The following ROBO1 variants were observed in gnomAD, a reference collection of about 807,000 sequenced individuals.
ROBO1 encodes the protein roundabout homolog 1.
ROBO1 carries 149 observed loss-of-function variants against 195.9 expected under a neutral mutation model. The observed-to-expected ratio is 0.76, with a 90% CI of 0.67 to 0.87. The LOEUF (loss-of-function observed/expected upper bound fraction) is 0.87, where lower values mean the gene tolerates loss of function less well. Among genes scored for constraint, ROBO1 ranks in the 40% least tolerant of loss-of-function variants. The pLI is 0.00. For missense variants in ROBO1, 1,933 were observed against 2,068.3 expected, an observed-to-expected ratio of 0.93 and a Z score of 1.27; for synonymous variants, 816 against 733.2, an observed-to-expected ratio of 1.11 and a Z score of -1.82.
intron 2 of ROBO1, among the ~76,000 whole-genome samples, chr3:79,402,199 G>A (rs570222124): frequency 6.6e-6 from 1 of 151,690 alleles, no homozygotes; most frequent in Non-Finnish European, 1.5e-5. Flanking sequence ...TTTGTGACTC[G>A]ATTTGAATTA....
chr3:79,425,695 G>C (rs2038417726), intron 2 of ROBO1, among the ~76,000 whole-genome samples: 1 of 151,020 alleles, frequency 6.6e-6, no homozygotes, highest in South Asian at 2.1e-4. Flanking sequence ...GAGCAGAATG[G>C]AACACACACA....
intron 3 of ROBO1, among the ~76,000 whole-genome samples, chr3:79,043,555 T>C (rs749644186): frequency 1.3e-5 from 2 of 152,054 alleles, no homozygotes; most frequent in Non-Finnish European, 2.9e-5. Context: ...TAGATTTTTT[T>C]TTAAAAAAAC....
chr3:79,598,712 T>C (rs1419427606), intron 1 of ROBO1, among the ~76,000 whole-genome samples: 1 of 151,852 alleles, frequency 6.6e-6, no homozygotes, highest in Non-Finnish European at 1.5e-5. Flanking sequence ...GCCCCCTCCA[T>C]CACCTGAGAT....
At chr3:78,876,111 T>A (rs886225139) in intron 4 of ROBO1, among the ~76,000 whole-genome samples, 1 of 152,076 alleles carries the variant, frequency 6.6e-6, no homozygotes, top group African/African-American at 2.4e-5. Context: ...AGTTATGTAG[T>A]CAAGAAAAAA....
chr3:79,425,261 C>T (rs752875436), intron 2 of ROBO1, among the ~76,000 whole-genome samples: 2 of 152,192 alleles, frequency 1.3e-5, no homozygotes, highest in Middle Eastern at 3.4e-3. Context: ...AGAAACGGAC[C>T]ACGCTTCCTT....
chr3:79,077,607 T>G (rs1220967407), intron 3 of ROBO1, among the ~76,000 whole-genome samples: 1 of 151,906 alleles, frequency 6.6e-6, no homozygotes, highest in Non-Finnish European at 1.5e-5. Context: ...ATTATTATAT[T>G]GTCAGGCAAG....
intron 8 of ROBO1, among the ~76,000 whole-genome samples, chr3:78,694,777 A>C (rs1203375265): frequency 1.3e-5 from 2 of 152,166 alleles, no homozygotes; most frequent in African/African-American, 4.8e-5. Flanking sequence ...ACAAGCTGTA[A>C]CAACAGAATT....
intron 2 of ROBO1, among the ~76,000 whole-genome samples, chr3:79,216,643 C>T (rs1326308728): frequency 6.6e-6 from 1 of 151,964 alleles, no homozygotes; most frequent in African/African-American, 2.4e-5. Flanking sequence ...TGGAATTTTG[C>T]ATTTATTGTA....
intron 2 of ROBO1, among the ~76,000 whole-genome samples, chr3:79,578,260 A>G (rs1402426270): frequency 6.6e-6 from 1 of 152,208 alleles, no homozygotes; most frequent in Non-Finnish European, 1.5e-5. Flanking sequence ...TAGTCTTACA[A>G]TAAAAGTATT....
Position 79,287,030 on chromosome 3 carries a change from G to A in ROBO1, c.89-161491C>T, listed in dbSNP as rs1339146788. On this transcript the variant is annotated intron_variant, in intron 2 of 30. Transcript: ENST00000464233. ...TATCATTGTACATATATGTCCTTTT[G>A]TGTGTCCATTTTGGGAAGTTTTCCA... Among the ~76,000 whole-genome samples the A allele has an allele frequency of 4.6e-5, 7 of 151,996 alleles. No homozygotes were observed. The East Asian group carries it at 1.3e-3, about 29-fold the overall frequency.
intron 2 of ROBO1, among the ~76,000 whole-genome samples, chr3:79,427,913 C>T (rs114142485): frequency 0.011 from 1,633 of 151,710 alleles, 32 homozygotes; most frequent in African/African-American, 0.038. Flanking sequence ...CCCATGATCA[C>T]GGGCAACCAA....
At chr3:79,573,527 A>C (rs2107756667) in intron 2 of ROBO1, among the ~76,000 whole-genome samples, 1 of 152,308 alleles carries the variant, frequency 6.6e-6, no homozygotes, top group East Asian at 1.9e-4. Flanking sequence ...ATTTATCCTC[A>C]ATTATCAATG....
chr3:79,124,846 G>T (rs1337861236), intron 3 of ROBO1, among the ~76,000 whole-genome samples: 1 of 151,986 alleles, frequency 6.6e-6, no homozygotes, highest in Non-Finnish European at 1.5e-5. Context: ...TATTTCCAGG[G>T]TGATCATTCT....
intron 3 of ROBO1, among the ~76,000 whole-genome samples, chr3:79,116,792 A>C (rs1232856571): frequency 6.6e-6 from 1 of 152,092 alleles, no homozygotes; most frequent in Non-Finnish European, 1.5e-5. Context: ...TGCTGGGATT[A>C]GAGGCATGAG....
At chr3:78,613,328 T>G (rs1428045901) in intron 28 of ROBO1, among the ~76,000 whole-genome samples, 1 of 152,128 alleles carries the variant, frequency 6.6e-6, no homozygotes, top group Non-Finnish European at 1.5e-5. Context: ...ATAATAAAAT[T>G]TGATAAAACA....
intron 2 of ROBO1, among the ~76,000 whole-genome samples, chr3:79,561,003 A>T (rs1048501513): frequency 2.0e-5 from 3 of 152,228 alleles, no homozygotes; most frequent in African/African-American, 7.2e-5. Context: ...GACTAATAGC[A>T]GTTGTTTTGT....
At chr3:78,912,804 A>G (rs887778076) in intron 4 of ROBO1, among the ~76,000 whole-genome samples, 2 of 152,180 alleles carry the variant, frequency 1.3e-5, no homozygotes, top group African/African-American at 4.8e-5. Context: ...GATCACATAC[A>G]TAATCTGTGA....
At chr3:79,525,096 C>T (rs1389040566) in intron 2 of ROBO1, among the ~76,000 whole-genome samples, 1 of 151,594 alleles carries the variant, frequency 6.6e-6, no homozygotes, top group African/African-American at 2.4e-5. Context: ...TTCTCCCTTC[C>T]ATTCCAATTT....
At chr3:79,598,093 G>A (rs776268307) in intron 1 of ROBO1, among the ~76,000 whole-genome samples, 8 of 152,054 alleles carry the variant, frequency 5.3e-5, no homozygotes, top group Admixed American at 2.0e-4. Context: ...TCAGGGAATA[G>A]TGATAAACCT....
Sources: allele counts gnomAD v4.1 joint callset (sites outside exome capture counted in the v4.1 genomes callset), GRCh38; gene constraint gnomAD v4.1.1; transcripts MANE v1.5; gene names NCBI Gene and HGNC (gene_info 2026-07-23, HGNC 2026-07-21).